The following CDK19 variants were observed in gnomAD, a reference collection of about 807,000 sequenced individuals.
The protein encoded by CDK19 is cyclin dependent kinase 19.
CDK19 carries 20 observed loss-of-function variants against 68.3 expected under a neutral mutation model. The ratio of observed to expected loss-of-function variants is 0.29; its 90% CI spans 0.21 to 0.43. CDK19 has a LOEUF of 0.43. Among genes scored for constraint, CDK19 ranks in the 20% least tolerant of loss-of-function variants. CDK19 has a pLI of 1.00. For missense variants in CDK19, 339 were observed against 623.5 expected, an observed-to-expected ratio of 0.54 and a Z score of 4.86; for synonymous variants, 221 against 222.8, an observed-to-expected ratio of 0.99 and a Z score of 0.07.
At chr6:110,640,729 T>C (rs2114776143) in intron 4 of CDK19, among the ~76,000 whole-genome samples, 1 of 152,146 alleles carries the variant, frequency 6.6e-6, no homozygotes, top group East Asian at 1.9e-4. Flanking sequence ...AGCAGGAGGA[T>C]CGTTTAAGCC....
At chr6:110,735,320 A>T (rs1293450500) in intron 2 of CDK19, among the ~76,000 whole-genome samples, 1 of 152,188 alleles carries the variant, frequency 6.6e-6, no homozygotes, top group African/African-American at 2.4e-5. Flanking sequence ...CTACAAAAAA[A>T]AACTTTATCA....
chr6:110,631,470 C>T (rs368312433), intron 6 of CDK19, among the ~76,000 whole-genome samples: 2 of 152,182 alleles, frequency 1.3e-5, no homozygotes, highest in African/African-American at 4.8e-5. Flanking sequence ...GATTTTCTTA[C>T]TCAGTTTTTT....
In CDK19 at chr6:110,612,280, TAA is replaced by T. The variant is rs1470175868; in HGVS notation, c.*2253_*2254del. ...CCTACAAGGACCACCCAGTTGTTGT[TAA>T]AAGGCTGCTGTGAACATTTCAAAGA... is the stretch of plus-strand genomic sequence containing the variant. On this transcript the variant is annotated 3_prime_UTR_variant, in exon 13 of 13. Coordinates refer to ENST00000368911, the MANE Select transcript of CDK19 (RefSeq NM_015076.5). 3.3e-5 allele frequency: 5 copies of T among 152,424 alleles called. No homozygotes were observed. The highest frequency in any genetic ancestry group is 1.2e-4 in the African/African-American group (5 of 41,454). 9.4% of individuals were successfully genotyped at this position (152,424 alleles called of 1,614,324 possible).
At chr6:110,620,604 G>A (rs1342828134) in intron 12 of CDK19, among the ~76,000 whole-genome samples, 1 of 152,102 alleles carries the variant, frequency 6.6e-6, no homozygotes, top group Non-Finnish European at 1.5e-5. Flanking sequence ...ATAACAAAAA[G>A]TATTTTCTAG....
chr6:110,622,958 A>G, intron 9 of CDK19, 46 bp from the exon 10 acceptor site: 1 of 1,110,044 alleles, frequency 9.0e-7, no homozygotes, highest in Non-Finnish European at 1.4e-6. Context: ...AAGGTTATTT[A>G]CAAGTCAACA....
intron 3 of CDK19, among the ~76,000 whole-genome samples, chr6:110,669,769 T>C (rs979005154): frequency 2.0e-5 from 3 of 152,344 alleles, no homozygotes; most frequent in African/African-American, 7.2e-5. Context: ...AGACAGGAAT[T>C]AGAATTTTTT....
At chr6:110,805,526 C>T (rs1782621626) in intron 1 of CDK19, among the ~76,000 whole-genome samples, 1 of 149,512 alleles carries the variant, frequency 6.7e-6, no homozygotes, top group Non-Finnish European at 1.5e-5. Flanking sequence ...GGTTCTGGGA[C>T]CCCTGCATAT....
At chr6:110,735,015 C>T (rs929195106) in intron 2 of CDK19, among the ~76,000 whole-genome samples, 3 of 152,174 alleles carry the variant, frequency 2.0e-5, no homozygotes, top group African/African-American at 7.2e-5. Context: ...CTATTTTCCA[C>T]CCCTTATTCA....
chr6:110,631,912 C>T (rs1157850243), intron 6 of CDK19, 118 bp downstream of exon 6: 3 of 857,516 alleles, frequency 3.5e-6, no homozygotes, highest in Non-Finnish European at 5.6e-6. Context: ...ATACAGAAGA[C>T]AATAGGACTT....
intron 2 of CDK19, among the ~76,000 whole-genome samples, chr6:110,723,763 A>C (rs1446202238): frequency 2.0e-5 from 3 of 152,202 alleles, no homozygotes; most frequent in Non-Finnish European, 4.4e-5. Flanking sequence ...AGCCATGCCC[A>C]CAGGCTTAAA....
At chr6:110,641,468 G>C (rs1562149548) in intron 4 of CDK19, among the ~76,000 whole-genome samples, 1 of 151,434 alleles carries the variant, frequency 6.6e-6, no homozygotes, top group Admixed American at 6.6e-5. Context: ...ATGGTGGCAG[G>C]CACCTGTAGT....
chr6:110,756,693 G>C (rs1353641401), intron 1 of CDK19, among the ~76,000 whole-genome samples: 1 of 152,144 alleles, frequency 6.6e-6, no homozygotes, highest in Non-Finnish European at 1.5e-5. Context: ...GTGTGTGTGT[G>C]TGTATGTGTA....
intron 8 of CDK19, among the ~76,000 whole-genome samples, chr6:110,625,215 C>A (rs926627694): frequency 6.6e-6 from 1 of 152,262 alleles, no homozygotes; most frequent in South Asian, 2.1e-4. Context: ...TCAGTTCTCA[C>A]CCCTGATTCT....
intron 12 of CDK19, among the ~76,000 whole-genome samples, chr6:110,617,132 T>C (rs557143744): frequency 2.6e-5 from 4 of 152,290 alleles, no homozygotes; most frequent in Admixed American, 6.5e-5. Context: ...GAGCCAGCCA[T>C]AGAAACTAGA....
At chr6:110,662,583 T>C (rs1485509146) in intron 4 of CDK19, among the ~76,000 whole-genome samples, 1 of 152,150 alleles carries the variant, frequency 6.6e-6, no homozygotes, top group East Asian at 1.9e-4. Flanking sequence ...ACAAACAATA[T>C]GCCAATGCTG....
intron 2 of CDK19, among the ~76,000 whole-genome samples, chr6:110,708,599 C>T (rs993864886): frequency 3.9e-5 from 6 of 152,204 alleles, no homozygotes; most frequent in African/African-American, 1.4e-4. Context: ...CTCAAGTGTG[C>T]TGGCTAACAA....
rs567003915 is a variant in CDK19, at chr6:110,661,982, G to A, written c.456+5452C>T. Among the ~76,000 whole-genome samples, 423 of 87,490 alleles carry A rather than the reference G, an allele frequency of 4.8e-3. 1 individual carries two copies. Among genetic ancestry groups the A allele is most frequent in the Non-Finnish European group, 6.8e-3 (300 of 44,358 alleles). The allele number at this position is 87,490 out of a possible 152,430, so 57.4% of individuals were successfully genotyped here. ...TATTTATTTGTATTTTTATTTTTTG[G>A]GGGGGGAGACTGAGTCTCGCTCTAT... On this transcript the variant is annotated intron_variant, in intron 4 of 12. Coordinates refer to ENST00000368911, the MANE Select transcript of CDK19 (RefSeq NM_015076.5).
At chr6:110,719,399 C>T (rs1405033593) in intron 2 of CDK19, among the ~76,000 whole-genome samples, 1 of 152,126 alleles carries the variant, frequency 6.6e-6, no homozygotes, top group Non-Finnish European at 1.5e-5. Context: ...ATGCCTATGC[C>T]TGCAGTCCCA....
chr6:110,616,150 T>C (rs1242229114), intron 12 of CDK19, among the ~76,000 whole-genome samples: 1 of 152,170 alleles, frequency 6.6e-6, no homozygotes, highest in East Asian at 1.9e-4. Flanking sequence ...CTTTCTCTAT[T>C]GAAATTCCTG....
Sources: allele counts gnomAD v4.1 joint callset (sites outside exome capture counted in the v4.1 genomes callset), GRCh38; gene constraint gnomAD v4.1.1; transcripts MANE v1.5; gene names NCBI Gene and HGNC (gene_info 2026-07-23, HGNC 2026-07-21).